Variants in AGTPBP1 observed in about 807,000 individuals in gnomAD.
AGTPBP1 encodes the protein ATP/GTP binding carboxypeptidase 1.
AGTPBP1 carries 70 observed loss-of-function variants against 143.9 expected under a neutral mutation model. That is an observed-to-expected ratio of 0.49 (90% CI 0.40 to 0.59). The LOEUF is 0.59. Ranked by LOEUF, AGTPBP1 falls within the 20% of genes least tolerant of loss-of-function variation. The pLI, the probability that AGTPBP1 is intolerant of heterozygous loss-of-function variation, is 0.00. For missense variants in AGTPBP1, 1,229 were observed against 1,464.5 expected (o/e 0.84, Z 2.62); for synonymous variants, 463 against 500.2 (o/e 0.93, Z 0.99).
intron 11 of AGTPBP1, among the ~76,000 whole-genome samples, chr9:85,654,598 T>G (rs953107279): frequency 6.6e-6 from 1 of 152,168 alleles, no homozygotes; most frequent in African/African-American, 2.4e-5. Flanking sequence ...ATCCCAGCAC[T>G]TTGGGAGGCC....
chr9:85,748,027 A>T, the AGTPBP1 span, among the ~76,000 whole-genome samples: 1 of 148,578 alleles, frequency 6.7e-6, no homozygotes. Context: ...TCCCTTTCTT[A>T]CCTCCCTTTT....
At chr9:85,762,999 T>C in the AGTPBP1 span, among the ~76,000 whole-genome samples, 1 of 151,612 alleles carries the variant, frequency 6.6e-6, no homozygotes, top group Non-Finnish European at 1.5e-5. Flanking sequence ...AAAAGACTAC[T>C]TGTAAGTTGC....
At chr9:85,734,251 G>GAAAC (rs920322238) in intron 1 of AGTPBP1, among the ~76,000 whole-genome samples, 1 of 151,650 alleles carries the variant, frequency 6.6e-6, no homozygotes, top group Non-Finnish European at 1.5e-5. Context: ...GACTCCGTCT[G>GAAAC]AAACAAACAA....
chr9:85,588,401 A>G lies in AGTPBP1; in HGVS notation c.2800T>C (p.Leu934=), dbSNP rs1325098884. ...GGGTTATTGCTCATGAGATATTCCA[A>G]CGTTCCTTTCATAACCCAACTTGCA... is the stretch of plus-strand genomic sequence containing the variant. The part of the protein sequence containing the change: ...TNASWVMKGT[L]EYLMSNNPTA... The change falls in exon 21 of 26, where the codon TTG becomes CTG. Residue 934 remains leucine, a synonymous_variant. Coordinates refer to ENST00000357081, the MANE Select transcript of AGTPBP1 (RefSeq NM_001330701.2). The G allele has an allele frequency of 1.9e-6, 3 of 1,613,570 alleles. 1 individual carries two copies. The African/African-American group carries it at 4.0e-5, about 22-fold the overall frequency.
At chr9:85,764,855 G>C in the AGTPBP1 span, 9 of 1,288,960 alleles carry the variant, frequency 7.0e-6, no homozygotes, top group Non-Finnish European at 1.0e-5. Flanking sequence ...GAAAGAAAAG[G>C]ATCAGCTCCA....
the AGTPBP1 span, among the ~76,000 whole-genome samples, chr9:85,760,224 A>G: frequency 6.6e-6 from 1 of 152,138 alleles, no homozygotes; most frequent in African/African-American, 2.4e-5. Context: ...TTCTGAAACT[A>G]TTCCAATCAA....
At chr9:85,764,299 C>T in the AGTPBP1 span, among the ~76,000 whole-genome samples, 1,781 of 142,158 alleles carry the variant, frequency 0.013, 10 homozygotes, top group Non-Finnish European at 0.017. Flanking sequence ...GGGGCTGAGG[C>T]GGGTGGATCA....
chr9:85,698,601 T>C (rs1836425360), intron 2 of AGTPBP1, among the ~76,000 whole-genome samples: 2 of 150,512 alleles, frequency 1.3e-5, no homozygotes, highest in Non-Finnish European at 3.0e-5. Context: ...TATGAGCAAT[T>C]TGAGATACTA....
intron 2 of AGTPBP1, among the ~76,000 whole-genome samples, chr9:85,695,315 CCTTGTTTTAT>C (rs1228657052): frequency 2.6e-5 from 4 of 151,946 alleles, no homozygotes; most frequent in Admixed American, 2.0e-4. Context: ...CTCAGGGGCC[CCTTGTTTTAT>C]CTGGTTCTTA....
intron 23 of AGTPBP1, 72 bp from the exon 24 acceptor site, chr9:85,579,168 GT>G: frequency 1.4e-6 from 2 of 1,447,438 alleles, no homozygotes; most frequent in Non-Finnish European, 1.8e-6. Context: ...ATTTTAAAAA[GT>G]TTTGATGAAA....
intron 21 of AGTPBP1, 42 bp from the exon 22 acceptor site, chr9:85,587,002 C>T: frequency 6.2e-7 from 1 of 1,611,092 alleles, no homozygotes; most frequent in East Asian, 2.2e-5. Flanking sequence ...CACTGGTACC[C>T]ATAAACCCTT....
At chr9:85,802,329 A>G in the AGTPBP1 span, among the ~76,000 whole-genome samples, 2 of 151,784 alleles carry the variant, frequency 1.3e-5, no homozygotes, top group African/African-American at 4.8e-5. Flanking sequence ...ACCACCACCA[A>G]CTCTGCCCTT....
At chr9:85,656,083 T>C (rs1049296047) in intron 10 of AGTPBP1, among the ~76,000 whole-genome samples, 1 of 152,200 alleles carries the variant, frequency 6.6e-6, no homozygotes, top group African/African-American at 2.4e-5. Flanking sequence ...CGCCTTGGCC[T>C]CCCAAAGTGC....
intron 25 of AGTPBP1, among the ~76,000 whole-genome samples, chr9:85,574,260 T>A (rs1015171691): frequency 3.3e-5 from 5 of 152,102 alleles, no homozygotes; most frequent in Non-Finnish European, 5.9e-5. Context: ...GTTAAACAGA[T>A]GCTTGAAGGC....
At chr9:85,688,537 A>C (rs569363661) in intron 3 of AGTPBP1, among the ~76,000 whole-genome samples, 1 of 152,328 alleles carries the variant, frequency 6.6e-6, no homozygotes, top group African/African-American at 2.4e-5. Flanking sequence ...AAAGGACACA[A>C]TCAAAATCAG....
At chr9:85,718,886 T>G (rs909254779) in intron 1 of AGTPBP1, among the ~76,000 whole-genome samples, 3 of 152,206 alleles carry the variant, frequency 2.0e-5, no homozygotes. Context: ...TTTCTACATA[T>G]GGCTCGCCAG....
intron 3 of AGTPBP1, among the ~76,000 whole-genome samples, chr9:85,692,025 C>A (rs757827730): frequency 1.2e-4 from 18 of 152,114 alleles, no homozygotes; most frequent in Non-Finnish European, 2.1e-4. Flanking sequence ...CCTAAGGTAC[C>A]CAACCACTAA....
the AGTPBP1 span, chr9:85,805,319 C>T: frequency 5.3e-5 from 8 of 151,354 alleles, no homozygotes; most frequent in African/African-American, 1.7e-4. Context: ...GGGCTTCCCG[C>T]TACCCTCCGC....
intron 3 of AGTPBP1, among the ~76,000 whole-genome samples, chr9:85,685,070 A>AT (rs1310416197): frequency 1.3e-5 from 2 of 152,022 alleles, no homozygotes; most frequent in East Asian, 3.8e-4. Context: ...AACAATAGAA[A>AT]TTATCCAACC....
Sources: gnomAD v4.1 joint callset for allele counts (sites outside exome capture counted in the v4.1 genomes callset) on GRCh38, gnomAD v4.1.1 for gene constraint, MANE v1.5 for transcripts, NCBI Gene and HGNC (gene_info 2026-07-23, HGNC 2026-07-21) for gene names.